Variants in ESRRB observed in about 807,000 individuals in gnomAD.
The protein encoded by ESRRB is estrogen related receptor beta.
In ESRRB, 16 loss-of-function variants were observed where a neutral mutation model predicts 46.0. The observed-to-expected ratio is 0.35, with a 90% CI of 0.24 to 0.53. ESRRB has a LOEUF of 0.53. ESRRB is among the 20% of genes least tolerant of loss of function. ESRRB has a pLI of 0.93. For missense variants in ESRRB, 488 were observed against 607.4 expected, an observed-to-expected ratio of 0.80 and a Z score of 2.07; for synonymous variants, 246 against 259.6, an observed-to-expected ratio of 0.95 and a Z score of 0.50.
chr14:76,348,881 A>G (rs118054068), intron 1 of ESRRB, among the ~76,000 whole-genome samples: 13 of 152,176 alleles, frequency 8.5e-5, no homozygotes, highest in Non-Finnish European at 1.6e-4. Flanking sequence ...TTCTCCCCCC[A>G]AGAACAGAAA....
rs916318693 is a variant in ESRRB, at chr14:76,451,654, T to G, written c.461-10891T>G. 7.0e-4 allele frequency among the ~76,000 whole-genome samples: 106 copies of G among 152,086 alleles called. 3 individuals are homozygous for G. The highest frequency in any genetic ancestry group is 4.4e-5 in the Non-Finnish European group (3 of 68,012). ...TTATTTATTTATTTTTGAGACAGAG[T>G]CTTGCTATGTTGCCCAGGCTGGAGT... On this transcript the variant is annotated intron_variant, in intron 2 of 6. Coordinates refer to ENST00000644823, the MANE Select transcript of ESRRB (RefSeq NM_001379180.1).
chr14:76,314,066 A>T (rs1051866562), intron 1 of ESRRB, among the ~76,000 whole-genome samples: 1 of 152,180 alleles, frequency 6.6e-6, no homozygotes, highest in African/African-American at 2.4e-5. Flanking sequence ...GAGTTTAAAC[A>T]TTCAACTCCA....
At chr14:76,427,591 G>C (rs1949582381) in intron 1 of ESRRB, among the ~76,000 whole-genome samples, 1 of 152,204 alleles carries the variant, frequency 6.6e-6, no homozygotes, top group Admixed American at 6.5e-5. Context: ...CAGAAGGAGA[G>C]AGGGAGCAAG....
At chr14:76,335,116 G>A (rs1884110838) in intron 1 of ESRRB, among the ~76,000 whole-genome samples, 1 of 152,150 alleles carries the variant, frequency 6.6e-6, no homozygotes. Context: ...CCACCACTGG[G>A]TCCTGGCCCA....
chr14:76,385,748 T>A (rs1885201360), intron 1 of ESRRB, among the ~76,000 whole-genome samples: 1 of 152,252 alleles, frequency 6.6e-6, no homozygotes, highest in Non-Finnish European at 1.5e-5. Flanking sequence ...GCAACTGACC[T>A]GGCCTTTGCA....
At chr14:76,467,569 A>G (rs1889173023) in intron 3 of ESRRB, among the ~76,000 whole-genome samples, 1 of 151,288 alleles carries the variant, frequency 6.6e-6, no homozygotes, top group Non-Finnish European at 1.5e-5. Flanking sequence ...TCAGCTTTTC[A>G]TCAGTCTGCC....
At chr14:76,375,802 C>T (rs763600296), upstream of ESRRB, among the ~76,000 whole-genome samples, 10 of 152,190 alleles carry the variant, frequency 6.6e-5, no homozygotes, top group Non-Finnish European at 1.3e-4. Flanking sequence ...CTAGACCTGC[C>T]AGTTAAAAGA....
chr14:76,394,723 C>T (rs1885603906), intron 1 of ESRRB, among the ~76,000 whole-genome samples: 3 of 152,150 alleles, frequency 2.0e-5, no homozygotes, highest in Non-Finnish European at 2.9e-5. Flanking sequence ...CGTTGAGGGC[C>T]TCTTTGACCT....
At chr14:76,351,223 C>T (rs1339317624) in intron 1 of ESRRB, among the ~76,000 whole-genome samples, 1 of 152,194 alleles carries the variant, frequency 6.6e-6, no homozygotes, top group Non-Finnish European at 1.5e-5. Flanking sequence ...CCTAGGGCAG[C>T]TATACCAAAG....
intron 1 of ESRRB, among the ~76,000 whole-genome samples, chr14:76,438,106 G>T (rs1887752352): frequency 6.6e-6 from 1 of 152,098 alleles, no homozygotes; most frequent in South Asian, 2.1e-4. Flanking sequence ...TGGCTACTCG[G>T]GGTCTAGGAA....
intron 1 of ESRRB, among the ~76,000 whole-genome samples, chr14:76,388,767 T>C (rs955215647): frequency 4.6e-5 from 7 of 152,198 alleles, no homozygotes; most frequent in African/African-American, 1.7e-4. Context: ...CACTCAGTGG[T>C]TTGACCCCCT....
At chr14:76,480,581 G>T (rs568913920) in intron 3 of ESRRB, among the ~76,000 whole-genome samples, 3 of 152,300 alleles carry the variant, frequency 2.0e-5, no homozygotes, top group South Asian at 4.1e-4. Context: ...GCATGAATGG[G>T]CTCTAAATCA....
chr14:76,397,791 G>C (rs1438371580), intron 1 of ESRRB, among the ~76,000 whole-genome samples: 1 of 152,170 alleles, frequency 6.6e-6, no homozygotes. Flanking sequence ...GGGGCAAAAA[G>C]GGGGCTTCTG....
At chr14:76,420,552 G>GGTGTGAGTGTGTGT (rs1886897289) in intron 1 of ESRRB, among the ~76,000 whole-genome samples, 2 of 136,518 alleles carry the variant, frequency 1.5e-5, no homozygotes, top group African/African-American at 6.1e-5. Flanking sequence ...TCTCCTACAG[G>GGTGTGAGTGTGTGT]GTGTGAGTGT....
chr14:76,479,295 A>T (rs1381827400), intron 3 of ESRRB, among the ~76,000 whole-genome samples: 1 of 152,088 alleles, frequency 6.6e-6, no homozygotes. Flanking sequence ...TTCTTTGGCC[A>T]CCAGAGTCTG....
At chr14:76,320,868 C>G (rs12880948) in intron 1 of ESRRB, among the ~76,000 whole-genome samples, 89,109 of 151,944 alleles carry the variant, frequency 0.59, 26,943 homozygotes, top group Middle Eastern at 0.81. Flanking sequence ...TGAATGCCAG[C>G]CTTACTTCTC....
At position 76,498,967 on chromosome 14, in the gene ESRRB, C is replaced by A; in HGVS notation, c.*509C>A. The A allele has an allele frequency of 2.3e-6, 1 of 430,778 alleles. No homozygotes were observed. The highest frequency in any genetic ancestry group is 4.8e-6 in the Non-Finnish European group (1 of 206,388). 26.7% of individuals were successfully genotyped at this position (430,778 alleles called of 1,614,324 possible). A position where few individuals can be genotyped will look rare whatever the true frequency, so the allele number is the denominator to read the frequency against. ...CAGAGGTCCTACCTGCTCTGAGATC[C>A]TCTGGGGCCGGTCAAGAGGCCCCAT... On this transcript the variant is annotated 3_prime_UTR_variant, in exon 7 of 7. Transcript: ENST00000644823.
chr14:76,351,962 G>A (rs546571069), intron 1 of ESRRB, among the ~76,000 whole-genome samples: 1 of 141,072 alleles, frequency 7.1e-6, no homozygotes, highest in Non-Finnish European at 1.5e-5. Context: ...TCGAGCCTGG[G>A]AGACAGAGTG....
In ESRRB at chr14:76,498,530, C is replaced by A; in HGVS notation, c.*72C>A. ...CAGACCGAGGTGGAGACCTCCACAG[C>A]CACCAGCCTCCACCTTCAACCCCTG... On this transcript the variant is annotated 3_prime_UTR_variant, in exon 7 of 7. Transcript: ENST00000644823. The A allele has an allele frequency of 2.5e-5, 40 of 1,610,540 alleles. No individual in the cohort carries two copies. Among genetic ancestry groups the A allele is most frequent in the Non-Finnish European group, 3.4e-5 (40 of 1,179,156 alleles).
Sources: allele counts gnomAD v4.1 joint callset (sites outside exome capture counted in the v4.1 genomes callset), GRCh38; gene constraint gnomAD v4.1.1; transcripts MANE v1.5; gene names NCBI Gene and HGNC (gene_info 2026-07-23, HGNC 2026-07-21).